ALG3: variants seen among roughly 807,000 people sequenced by gnomAD.
ALG3 encodes ALG3 alpha-1,3- mannosyltransferase, also known as dol-P-Man:Man(5)GlcNAc(2)-PP-Dol alpha-1,3-mannosyltransferase.
A neutral mutation model predicts 50.5 loss-of-function variants in ALG3; 39 were observed. That is an observed-to-expected ratio of 0.77 (90% CI 0.60 to 1.01). The LOEUF (loss-of-function observed/expected upper bound fraction) is 1.01, where lower values mean the gene tolerates loss of function less well. ALG3 is among the 50% of genes least tolerant of loss of function. ALG3 has a pLI of 0.00. For synonymous variants in ALG3, 252 were observed against 237.2 expected (o/e 1.06, Z -0.58); for missense variants, 520 against 554.8 (o/e 0.94, Z 0.63).
Position 184,242,527 on chromosome 3 carries a change from T to A in ALG3, c.1304A>T (p.Lys435Met). The A allele has an allele frequency of 6.2e-7, 1 of 1,612,898 alleles. No homozygotes were observed. The highest frequency in any genetic ancestry group is 8.5e-7 in the Non-Finnish European group (1 of 1,179,440). Residue 435 changes from lysine to methionine, a missense_variant, in exon 9 of 9, where the codon AAG becomes ATG. By Grantham distance (95) the Lys-to-Met change is moderately conservative. This residue lies in a region of ALG3 where 224 missense variants were observed against 272.8 expected (regional missense o/e 0.82). Coordinates refer to ENST00000397676, the MANE Select transcript of ALG3 (RefSeq NM_005787.6). The part of the protein sequence containing the change: ...QPFPKSTQHS[K>M]KAH ...AAGGGGTGGACTTCAGTGGGCTTTC[T>A]TGCTGTGTTGGGTGCTCTTGGGGAA...
In ALG3 at chr3:184,246,351, G is replaced by C. The variant is rs188497698; in HGVS notation, c.197-539C>G. Among the ~76,000 whole-genome samples the C allele has an allele frequency of 2.0e-4, 31 of 152,216 alleles. No homozygotes were observed. In the East Asian group the frequency reaches 4.6e-3, roughly 23 times the overall value. On this transcript the variant is annotated intron_variant, in intron 1 of 8. Transcript: ENST00000397676. ...CCTCCTAAAATACAAATCATAACAG[G>C]CCTCTGCTTAAAACCTCTCAATGAT... is the stretch of plus-strand genomic sequence containing the variant.
rs1553828467 is a variant in ALG3, at chr3:184,244,701, A to G, written c.626T>C (p.Met209Thr). 1 of 1,610,186 alleles carries G rather than the reference A, an allele frequency of 6.2e-7. No homozygotes were observed. Among genetic ancestry groups the G allele is most frequent in the Non-Finnish European group, 8.5e-7 (1 of 1,178,520 alleles). ...CCCAGGGGCGAAGAGCAGCACATTCATCTTCACAGAGACTGCCAGGCTGGG... is the reference window on the plus strand; with the variant it reads ...CCCAGGGGCGAAGAGCAGCACATTCGTCTTCACAGAGACTGCCAGGCTGGG... ...CFFSLAVSVK[M>T]NVLLFAPGLL... The change falls in exon 5 of 9, where the codon ATG (methionine) becomes ACG (threonine). Residue 209 changes from methionine to threonine, a missense_variant. By Grantham distance (81) the Met-to-Thr change is moderately conservative. Around this residue, in one of 3 missense-constraint regions of ALG3, gnomAD observed 6 missense variants for 16.1 expected, o/e 0.37. Transcript: ENST00000397676.
At chr3:184,244,553 CA>C (rs1191961832) in intron 5 of ALG3, 47 bp downstream of exon 5, 1 of 1,583,230 alleles carries the variant, frequency 6.3e-7, no homozygotes, top group Non-Finnish European at 8.6e-7. Flanking sequence ...TCAATCAAGA[CA>C]AGTGGCTTCT....
At chr3:184,246,165 C>A (rs745607030) in intron 1 of ALG3, among the ~76,000 whole-genome samples, 1 of 152,134 alleles carries the variant, frequency 6.6e-6, no homozygotes. Context: ...TGTTCCTCAC[C>A]GTAAATATCT....
chr3:184,243,707 G>T (rs1047382560), intron 6 of ALG3, 77 bp from the exon 7 acceptor site: 15 of 1,596,500 alleles, frequency 9.4e-6, no homozygotes, highest in Non-Finnish European at 1.3e-5. Context: ...GAGCTTAACT[G>T]ACACTTCCCC....
Position 184,245,432 on chromosome 3 carries a change from G to A in ALG3, c.444+36C>T, listed in dbSNP as rs137874248. 1.7e-4 allele frequency: 273 copies of A among 1,613,394 alleles called. 4 individuals carry two copies. The Middle Eastern group carries it at 4.3e-3, about 25-fold the overall frequency. On this transcript the variant is annotated intron_variant, in intron 3 of 8. Coordinates refer to ENST00000397676, the MANE Select transcript of ALG3 (RefSeq NM_005787.6). ...CCATCCCCACCACCCAGCCCTCCCA[G>A]GCTGGGGCCCTCTAGCCCTGGTAGC...
chr3:184,243,968 TC>T lies in ALG3; in HGVS notation c.754del (p.Glu252ArgfsTer23). ...GCGGGACAGGTAGCCGCTGGGGTTCTCCAGCAGGAAGGGCAGCCCCAGCACC... is the reference window on the plus strand; with the variant it reads ...GCGGGACAGGTAGCCGCTGGGGTTCTCAGCAGGAAGGGCAGCCCCAGCACC... ...QVVLGLPFLL[E>X]NPSGYLSRSF... On this transcript the variant is annotated frameshift_variant, in exon 6 of 9. Coordinates refer to ENST00000397676, the MANE Select transcript of ALG3 (RefSeq NM_005787.6). LOFTEE classifies it high-confidence loss of function. 1 of 1,613,424 alleles carries T rather than the reference TC, an allele frequency of 6.2e-7. No individual in the cohort carries two copies.
At position 184,245,757 on chromosome 3, in the gene ALG3, A is replaced by C; in HGVS notation, c.252T>G (p.Gly84=). 6.2e-7 allele frequency: 1 copy of C among 1,613,890 alleles called. No individual in the cohort carries two copies. The highest frequency in any genetic ancestry group is 1.1e-5 in the South Asian group (1 of 91,042). The change falls in exon 2 of 9, where the codon GGT becomes GGG. Residue 84 remains glycine (G), a synonymous_variant. Transcript: ENST00000397676. ...CCTGCAGTTGGGTATAGTCATAGGT[A>C]CCATTGATGACGCCTTCTACCTCGG... ...YMAEVEGVIN[G]TYDYTQLQGD... is the part of the protein sequence containing the mutation.
intron 5 of ALG3, among the ~76,000 whole-genome samples, 165 bp from the exon 6 acceptor site, chr3:184,244,161 C>T (rs900734844): frequency 6.6e-6 from 1 of 152,188 alleles, no homozygotes; most frequent in Non-Finnish European, 1.5e-5. Context: ...CGGCCCAGGC[C>T]AGTGCCTGGG....
intron 4 of ALG3, 43 bp from the exon 5 acceptor site, chr3:184,244,764 G>A (rs1719037074): frequency 7.5e-6 from 12 of 1,591,468 alleles, no homozygotes; most frequent in Non-Finnish European, 8.5e-6. Context: ...TCAGCTCCAG[G>A]GCCATGCACA....
intron 7 of ALG3, chr3:184,243,303 A>AAT (rs1718935726): frequency 1.7e-6 from 1 of 579,066 alleles, no homozygotes; most frequent in Non-Finnish European, 3.0e-6. Context: ...GTGAGCTTTC[A>AAT]ATATTAGAAC....
chr3:184,248,680 G>C, intron 1 of ALG3, 65 bp downstream of exon 1: 1 of 1,424,614 alleles, frequency 7.0e-7, no homozygotes, highest in East Asian at 2.3e-5. Context: ...CCAGGTCTGA[G>C]ATCCAGTTTG....
In ALG3 at chr3:184,245,213, C is replaced by T. The variant is rs940315611; in HGVS notation, c.590G>A (p.Gly197Asp). 1 of 1,613,876 alleles carries T rather than the reference C, an allele frequency of 6.2e-7. No individual in the cohort carries two copies. The highest frequency in any genetic ancestry group is 1.3e-5 in the African/African-American group (1 of 74,998). Residue 197 changes from glycine to aspartate, a missense_variant, in exon 4 of 9, where the codon GGT (glycine) becomes GAT (aspartate). Physicochemically the swap from Gly to Asp is moderately conservative, Grantham distance 94 (BLOSUM62 -1). Transcript: ENST00000397676. The part of the protein sequence containing the change: ...NLLLAQRWGW[G>D]CCFFSLAVSV... ...AGGTGTTGACCTGAAAAAGCAGCAA[C>T]CCCAGCCCCAGCGCTGGGCCAGCAG...
At chr3:184,249,327 T>A (rs1444835694), upstream of ALG3, 2 of 1,575,608 alleles carry the variant, frequency 1.3e-6, no homozygotes, top group Non-Finnish European at 1.7e-6. Flanking sequence ...TTCGCGCCCC[T>A]CCTGCCTGCC....
rs1461265012 is a variant in ALG3, at chr3:184,243,594, G to A, written c.969C>T (p.Pro323=). The change falls in exon 7 of 9, where the codon CCC becomes CCT. Residue 323 remains proline, a synonymous_variant. Transcript: ENST00000397676. ...GCTGGGGTGGAACCTTCCTTTTGGA[G>A]GGATCCCTCAGCAGCGACAAGATAC... ...GESILSLLRD[P]SKRKVPPQPL... 1.9e-6 allele frequency: 3 copies of A among 1,613,806 alleles called. No individual in the cohort carries two copies. Among genetic ancestry groups the A allele is most frequent in the African/African-American group, 2.7e-5 (2 of 74,910 alleles).
intron 1 of ALG3, among the ~76,000 whole-genome samples, chr3:184,246,130 C>G (rs533785253): frequency 6.6e-6 from 1 of 152,176 alleles, no homozygotes; most frequent in Non-Finnish European, 1.5e-5. Context: ...CTCTCATTTG[C>G]AACCCTTCGT....
chr3:184,244,846 A>G (rs2108441492), intron 4 of ALG3, 125 bp from the exon 5 acceptor site: 1 of 1,338,400 alleles, frequency 7.5e-7, no homozygotes, highest in Non-Finnish European at 1.0e-6. Flanking sequence ...ACAAACTCCA[A>G]GATGGGACCT....
Position 184,243,790 on chromosome 3 carries a change from C to T in ALG3, c.932+1G>A. 6.2e-7 allele frequency: 1 copy of T among 1,612,644 alleles called. No homozygotes were observed. The highest frequency in any genetic ancestry group is 8.5e-7 in the Non-Finnish European group (1 of 1,179,316). ...CCCATGGCACTACTGCCTTTTCTCACCTGTGCCACCTGCAGAGGGCAAACA... is the reference window on the plus strand; with the variant it reads ...CCCATGGCACTACTGCCTTTTCTCATCTGTGCCACCTGCAGAGGGCAAACA... On this transcript the variant is annotated splice_donor_variant, in intron 6 of 8. Transcript: ENST00000397676. LOFTEE classifies it high-confidence loss of function.
In ALG3 at chr3:184,248,868, G is replaced by A. The variant is rs1166080857; in HGVS notation, c.73C>T (p.Leu25=). 1 of 1,607,144 alleles carries A rather than the reference G, an allele frequency of 6.2e-7. No individual in the cohort carries two copies. Among genetic ancestry groups the A allele is most frequent in the South Asian group, 1.1e-5 (1 of 90,676 alleles). The part of the protein sequence containing the change: ...AQAEGLCKQW[L]QRAWQERRLL... ...CGCCGCTCTTGCCAGGCGCGCTGCA[G>A]CCATTGCTTGCAGAGTCCCTCTGCC... The change falls in exon 1 of 9, where the codon CTG becomes TTG. Residue 25 remains leucine, a synonymous_variant. Transcript: ENST00000397676.
Sources: allele counts gnomAD v4.1 joint callset (sites outside exome capture counted in the v4.1 genomes callset), GRCh38; gene constraint gnomAD v4.1.1; regional missense constraint gnomAD v4.1.1; transcripts MANE v1.5; gene names NCBI Gene and HGNC (gene_info 2026-07-23, HGNC 2026-07-21).